ARHGAP31: variants seen among roughly 807,000 people sequenced by gnomAD.
ARHGAP31 encodes rho GTPase-activating protein 31.
A neutral mutation model predicts 113.9 loss-of-function variants in ARHGAP31; 34 were observed. That is an observed-to-expected ratio of 0.30 (90% confidence interval 0.23 to 0.40). ARHGAP31 has a LOEUF of 0.40. Among genes scored for constraint, ARHGAP31 ranks in the 10% least tolerant of loss-of-function variants. ARHGAP31 has a pLI of 1.00. For missense variants in ARHGAP31, 1,548 were observed against 1,767.1 expected (o/e 0.88, Z 2.22); for synonymous variants, 650 against 684.8 (o/e 0.95, Z 0.79).
At chr3:119,380,481 G>A (rs2080386680) in intron 3 of ARHGAP31, among the ~76,000 whole-genome samples, 1 of 152,040 alleles carries the variant, frequency 6.6e-6, no homozygotes, top group South Asian at 2.1e-4. Flanking sequence ...AAACTCTTGT[G>A]CTCAAGCAAT....
intron 9 of ARHGAP31, among the ~76,000 whole-genome samples, chr3:119,400,834 T>C (rs959318251): frequency 6.6e-6 from 1 of 152,220 alleles, no homozygotes; most frequent in African/African-American, 2.4e-5. Context: ...CAAGCTTATT[T>C]ACTTCCCACG....
Position 119,402,382 on chromosome 3 carries a change from G to A in ARHGAP31, c.1630G>A (p.Ala544Thr). The A allele has an allele frequency of 6.2e-7, 1 of 1,613,356 alleles. No homozygotes were observed. Among genetic ancestry groups the A allele is most frequent in the Non-Finnish European group, 8.5e-7 (1 of 1,179,980 alleles). The change falls in exon 10 of 12, where the codon GCT (alanine) becomes ACT (threonine). Residue 544 changes from alanine to threonine, a missense_variant. Ala to Thr is a moderately conservative substitution (Grantham distance 58). Coordinates refer to ENST00000264245, the MANE Select transcript of ARHGAP31 (RefSeq NM_020754.4). ...GWPEEEKPLG[A>T]ETSAASVPKK... ...GCCAGAAGAAGAGAAACCGCTGGGA[G>A]CTGAGACTTCTGCAGGTAAGTAGAG...
intron 1 of ARHGAP31, among the ~76,000 whole-genome samples, chr3:119,333,624 A>G (rs1316486753): frequency 6.6e-6 from 1 of 152,240 alleles, no homozygotes; most frequent in South Asian, 2.1e-4. Flanking sequence ...GCCTCCCCAC[A>G]CTTTTCCTTC....
chr3:119,336,037 T>C (rs1296700452), intron 1 of ARHGAP31, among the ~76,000 whole-genome samples: 4 of 152,010 alleles, frequency 2.6e-5, no homozygotes, highest in East Asian at 1.9e-4. Flanking sequence ...TAGCCAGGCT[T>C]GGTGGCAGGT....
intron 1 of ARHGAP31, among the ~76,000 whole-genome samples, chr3:119,340,663 A>G (rs1037232077): frequency 2.0e-5 from 3 of 152,174 alleles, no homozygotes; most frequent in Non-Finnish European, 4.4e-5. Context: ...ATTAGATCAA[A>G]CACCATGGAT....
chr3:119,382,467 ATTGG>A, intron 5 of ARHGAP31, 68 bp downstream of exon 5: 5 of 1,454,450 alleles, frequency 3.4e-6, no homozygotes, highest in Non-Finnish European at 4.8e-6. Flanking sequence ...TGAAATGAAG[ATTGG>A]ATTCTTCAAA....
At chr3:119,388,306 T>TATA (rs1553765968) in intron 6 of ARHGAP31, among the ~76,000 whole-genome samples, 1 of 43,916 alleles carries the variant, frequency 2.3e-5, no homozygotes, top group Non-Finnish European at 4.4e-5. Context: ...TATGTATAAT[T>TATA]TTTATATATA....
intron 1 of ARHGAP31, among the ~76,000 whole-genome samples, chr3:119,346,564 C>A (rs1312477905): frequency 2.6e-5 from 4 of 152,188 alleles, no homozygotes; most frequent in African/African-American, 9.7e-5. Flanking sequence ...TAAGTATAAG[C>A]TACTTCTTTG....
At chr3:119,332,139 A>G (rs529139213) in intron 1 of ARHGAP31, among the ~76,000 whole-genome samples, 1 of 152,080 alleles carries the variant, frequency 6.6e-6, no homozygotes, top group South Asian at 2.1e-4. Context: ...TCCTTCAACC[A>G]TTCTCCAAAT....
At chr3:119,304,182 C>T (rs1376488363) in intron 1 of ARHGAP31, among the ~76,000 whole-genome samples, 2 of 152,140 alleles carry the variant, frequency 1.3e-5, no homozygotes, top group African/African-American at 2.4e-5. Flanking sequence ...GTGCCAGACA[C>T]TGTTGGGTTT....
intron 11 of ARHGAP31, among the ~76,000 whole-genome samples, chr3:119,413,609 A>G (rs2080737816): frequency 6.6e-6 from 1 of 152,232 alleles, no homozygotes; most frequent in African/African-American, 2.4e-5. Context: ...TCTCATCTAT[A>G]AAATGGGAGT....
intron 10 of ARHGAP31, 113 bp downstream of exon 10, chr3:119,402,510 C>T (rs1269323441): frequency 7.7e-6 from 9 of 1,172,956 alleles, no homozygotes; most frequent in Admixed American, 2.0e-5. Flanking sequence ...GGCTCTAGAG[C>T]CCGATTGGGT....
chr3:119,309,202 A>G (rs1207890035), intron 1 of ARHGAP31, among the ~76,000 whole-genome samples: 1 of 152,232 alleles, frequency 6.6e-6, no homozygotes, highest in Non-Finnish European at 1.5e-5. Flanking sequence ...TGATTGCTTG[A>G]AACAAAATGG....
intron 1 of ARHGAP31, among the ~76,000 whole-genome samples, chr3:119,302,694 G>A (rs1396884979): frequency 6.6e-6 from 1 of 152,216 alleles, no homozygotes; most frequent in African/African-American, 2.4e-5. Context: ...TTATAGAGAT[G>A]GGAAAGGCAG....
intron 1 of ARHGAP31, among the ~76,000 whole-genome samples, chr3:119,325,813 T>A (rs1419495294): frequency 2.6e-5 from 4 of 152,244 alleles, no homozygotes; most frequent in African/African-American, 7.2e-5. Context: ...GGGAAGTTTT[T>A]AAAAATTTTT....
In ARHGAP31 at chr3:119,415,813, C is replaced by G. The variant is rs773943824; in HGVS notation, c.3884C>G (p.Ser1295Cys). ...ACCCTTTCTCCAGAACCAGGCTCGT[C>G]TAACCTGCTCTCCACCCAGGATGCA... is the stretch of plus-strand genomic sequence containing the variant. ...GPTLSPEPGS[S>C]NLLSTQDAVV... The change falls in exon 12 of 12, where the codon TCT (serine) becomes TGT (cysteine). Residue 1295 changes from serine (S) to cysteine (C), a missense_variant. Physicochemically the swap from Ser to Cys is moderately radical, Grantham distance 112. Transcript: ENST00000264245. The G allele has an allele frequency of 1.3e-4, 211 of 1,614,148 alleles. No individual in the cohort carries two copies. Among genetic ancestry groups the G allele is most frequent in the Non-Finnish European group, 1.7e-4 (206 of 1,180,058 alleles).
At chr3:119,337,109 T>A (rs369341565) in intron 1 of ARHGAP31, among the ~76,000 whole-genome samples, 70 of 152,332 alleles carry the variant, frequency 4.6e-4, no homozygotes, top group African/African-American at 1.7e-3. Flanking sequence ...TGGTGCTGTG[T>A]CCAGAATTGG....
intron 3 of ARHGAP31, among the ~76,000 whole-genome samples, chr3:119,374,137 G>A (rs555826377): frequency 1.3e-5 from 2 of 152,298 alleles, no homozygotes; most frequent in East Asian, 1.9e-4. Flanking sequence ...TCATGTTAAA[G>A]TGTAATCTCT....
In ARHGAP31 at chr3:119,418,487, G is replaced by GA. The variant is rs1422523420; in HGVS notation, c.*2226dup. The GA allele has an allele frequency of 1.3e-5, 2 of 152,158 alleles. No individual in the cohort carries two copies. The highest frequency in any genetic ancestry group is 4.8e-5 in the African/African-American group (2 of 41,440). 9.4% of individuals were successfully genotyped at this position (152,158 alleles called of 1,614,324 possible). The stretch of plus-strand genomic sequence containing the variant: ...TGTTCCAGTTAGAATGCGAGGGAGG[G>GA]AAAGAGCTGCACTTTGCTTCACCAT... On this transcript the variant is annotated 3_prime_UTR_variant, in exon 12 of 12. Coordinates refer to ENST00000264245, the MANE Select transcript of ARHGAP31 (RefSeq NM_020754.4).
Sources: gnomAD v4.1 joint callset for allele counts (sites outside exome capture counted in the v4.1 genomes callset) on GRCh38, gnomAD v4.1.1 for gene constraint, MANE v1.5 for transcripts, NCBI Gene and HGNC (gene_info 2026-07-23, HGNC 2026-07-21) for gene names.